TASP1: variants seen among roughly 807,000 people sequenced by gnomAD.
TASP1 encodes taspase 1.
A neutral mutation model predicts 56.6 loss-of-function variants in TASP1; 16 were observed. That is an observed-to-expected ratio of 0.28 (90% CI 0.19 to 0.43). The LOEUF (loss-of-function observed/expected upper bound fraction) is 0.43. Among genes scored for constraint, TASP1 ranks in the 20% least tolerant of loss-of-function variants. The pLI, the probability that TASP1 is intolerant of heterozygous loss-of-function variation, is 1.00. For missense variants in TASP1, 393 were observed against 511.6 expected (o/e 0.77, Z 2.24); for synonymous variants, 179 against 184.2 (o/e 0.97, Z 0.23).
chr20:13,111,264 C>T, the TASP1 span, among the ~76,000 whole-genome samples: 1 of 152,138 alleles, frequency 6.6e-6, no homozygotes, highest in Non-Finnish European at 1.5e-5. Context: ...CCTACCATTA[C>T]CTCCTCCAGC....
chr20:13,569,966 C>T (rs1037731932), intron 6 of TASP1, among the ~76,000 whole-genome samples: 4 of 152,040 alleles, frequency 2.6e-5, no homozygotes, highest in African/African-American at 9.7e-5. Context: ...TAAGTGAATG[C>T]CTTCAGATTT....
intron 9 of TASP1, among the ~76,000 whole-genome samples, chr20:13,530,062 A>G (rs1380187071): frequency 6.6e-6 from 1 of 152,120 alleles, no homozygotes; most frequent in African/African-American, 2.4e-5. Flanking sequence ...AAAAACAGCT[A>G]TTTTAGTTCT....
At chr20:13,530,023 ACCT>A (rs2045158832) in intron 9 of TASP1, among the ~76,000 whole-genome samples, 1 of 151,746 alleles carries the variant, frequency 6.6e-6, no homozygotes, top group South Asian at 2.1e-4. Context: ...AAGTACTGTA[ACCT>A]CCCCCAGAAA....
intron 11 of TASP1, among the ~76,000 whole-genome samples, chr20:13,448,590 T>C (rs1367550646): frequency 1.3e-5 from 2 of 152,114 alleles, no homozygotes; most frequent in Admixed American, 1.3e-4. Flanking sequence ...ATCATGTGTA[T>C]TCTTACACAA....
intron 4 of TASP1, among the ~76,000 whole-genome samples, chr20:13,587,665 T>C (rs1311727750): frequency 2.6e-5 from 4 of 151,630 alleles, no homozygotes; most frequent in Admixed American, 6.6e-5. Context: ...ATTGGTTTAA[T>C]ATCTGAAAAT....
At chr20:13,235,311 C>G in the TASP1 span, among the ~76,000 whole-genome samples, 1 of 152,182 alleles carries the variant, frequency 6.6e-6, no homozygotes, top group African/African-American at 2.4e-5. Context: ...TTTCATCAGC[C>G]AAAGCAAGTC....
the TASP1 span, among the ~76,000 whole-genome samples, chr20:13,154,852 G>A: frequency 6.6e-6 from 1 of 152,192 alleles, no homozygotes; most frequent in Non-Finnish European, 1.5e-5. Flanking sequence ...ACCTGCTGGA[G>A]ACTAATGTAA....
the TASP1 span, among the ~76,000 whole-genome samples, chr20:13,169,688 T>A: frequency 9.2e-5 from 14 of 152,190 alleles, no homozygotes; most frequent in South Asian, 2.1e-4. Flanking sequence ...CCATTTTTTT[T>A]AAAGTTTTAT....
chr20:13,173,817 A>G, the TASP1 span, among the ~76,000 whole-genome samples: 1 of 152,160 alleles, frequency 6.6e-6, no homozygotes, highest in African/African-American at 2.4e-5. Context: ...TTAAAATTTC[A>G]CTTTCACAGG....
At chr20:13,419,234 A>G (rs2042358274) in intron 12 of TASP1, among the ~76,000 whole-genome samples, 1 of 152,138 alleles carries the variant, frequency 6.6e-6, no homozygotes. Context: ...CAAATAGTTC[A>G]GGGAAAAAAA....
At chr20:13,166,042 T>C in the TASP1 span, 362 of 152,738 alleles carry the variant, frequency 2.4e-3, no homozygotes, top group Non-Finnish European at 3.9e-3. Flanking sequence ...CTAGTTTGTA[T>C]GGAAAAAGCC....
At position 13,559,015 on chromosome 20, in the gene TASP1, C is replaced by A; in HGVS notation, c.668G>T (p.Ser223Ile). 6.3e-7 allele frequency: 1 copy of A among 1,583,176 alleles called. No homozygotes were observed. Among genetic ancestry groups the A allele is most frequent in the Non-Finnish European group, 8.6e-7 (1 of 1,163,966 alleles). The change falls in exon 8 of 14, where the codon AGT (serine) becomes ATT (isoleucine). Residue 223 changes from serine (S) to isoleucine (I), a missense_variant. Around this residue, in one of 3 missense-constraint regions of TASP1, gnomAD observed 293 missense variants for 354.2 expected, o/e 0.83. Transcript: ENST00000337743. Reference protein sequence around the residue: ...FMQLKKRRQSSEKENDSGTLD... With the variant: ...FMQLKKRRQSIEKENDSGTLD... ...TTTCAAACACCACCTGACCTTCTCA[C>A]TTGATTGTCTTCTTTTCTTTAGTTG...
chr20:13,181,106 C>T, the TASP1 span, among the ~76,000 whole-genome samples: 1 of 152,204 alleles, frequency 6.6e-6, no homozygotes, highest in Non-Finnish European at 1.5e-5. Context: ...TCTCTCTTGA[C>T]TCAGGAGTCC....
At chr20:13,215,863 C>T in the TASP1 span, among the ~76,000 whole-genome samples, 2 of 152,340 alleles carry the variant, frequency 1.3e-5, no homozygotes, top group Non-Finnish European at 2.9e-5. Context: ...ACAAGCCTGG[C>T]AGCTGCTTTC....
At chr20:13,400,755 T>C (rs1182852514) in intron 13 of TASP1, among the ~76,000 whole-genome samples, 2 of 152,168 alleles carry the variant, frequency 1.3e-5, no homozygotes, top group African/African-American at 4.8e-5. Flanking sequence ...CATAGCCAAA[T>C]GTCTCAATTA....
chr20:13,537,085 G>A (rs1201146582), intron 8 of TASP1, among the ~76,000 whole-genome samples: 2 of 152,006 alleles, frequency 1.3e-5, no homozygotes, highest in South Asian at 2.1e-4. Context: ...AATAAGTAAC[G>A]TATACACAAT....
chr20:13,237,770 C>T, the TASP1 span: 1 of 152,202 alleles, frequency 6.6e-6, no homozygotes, highest in East Asian at 1.9e-4. Context: ...GAAGAGATGG[C>T]TGATTTTCAC....
intron 10 of TASP1, among the ~76,000 whole-genome samples, chr20:13,523,736 C>T (rs2044861134): frequency 6.6e-6 from 1 of 152,098 alleles, no homozygotes; most frequent in South Asian, 2.1e-4. Context: ...GAGCCAAGAC[C>T]TTAAAAAGCA....
At chr20:13,205,159 C>T in the TASP1 span, among the ~76,000 whole-genome samples, 1 of 152,120 alleles carries the variant, frequency 6.6e-6, no homozygotes, top group Non-Finnish European at 1.5e-5. Context: ...CCATGCCTCT[C>T]CATAGGGATC....
Sources: gnomAD v4.1 joint callset for allele counts (sites outside exome capture counted in the v4.1 genomes callset) on GRCh38, gnomAD v4.1.1 for gene constraint, gnomAD v4.1.1 regional missense constraint, MANE v1.5 for transcripts, NCBI Gene and HGNC (gene_info 2026-07-23, HGNC 2026-07-21) for gene names.